NOL3: variants seen among roughly 807,000 people sequenced by gnomAD.
NOL3 encodes the protein nucleolar protein 3.
In NOL3, 18 loss-of-function variants were observed where a neutral mutation model predicts 19.2. The ratio of observed to expected loss-of-function variants is 0.94; its 90% CI spans 0.65 to 1.39. NOL3 has a LOEUF of 1.39. Among genes scored for constraint, NOL3 ranks in the 40% most tolerant of loss-of-function variants. The pLI, the probability that NOL3 is intolerant of heterozygous loss-of-function variation, is 0.00. For synonymous variants in NOL3, 127 were observed against 137.3 expected (o/e 0.93, Z 0.52); for missense variants, 290 against 289.5 (o/e 1.00, Z -0.01).
exon 3 of NOL3, chr16:67,174,740 C>T (rs1567676703): frequency 1.4e-5 from 23 of 1,610,318 alleles, no homozygotes; most frequent in Non-Finnish European, 1.8e-5. Context: ...GGCCGGGGGC[C>T]CTGAGGGCTC....
At chr16:67,175,241 G>A (rs867327238) in exon 4 of NOL3, 1 of 1,487,010 alleles carries the variant, frequency 6.7e-7, no homozygotes, top group Non-Finnish European at 8.9e-7. Context: ...AACTTAGGGT[G>A]GGTACCTCTG....
exon 2 of NOL3, chr16:67,174,405 G>A (rs2145954084): frequency 6.5e-7 from 1 of 1,542,254 alleles, no homozygotes; most frequent in East Asian, 2.4e-5. Context: ...CTGCTACGCT[G>A]TGCCCAGCGT....
At chr16:67,174,376 C>T (rs781539278) in exon 2 of NOL3, 18 of 1,566,940 alleles carry the variant, frequency 1.1e-5, no homozygotes, top group African/African-American at 2.7e-5. Flanking sequence ...AGGGCAAGGG[C>T]GAGGCCGCCT....
chr16:67,173,703 T>G, intron 1 of NOL3: 1 of 621,458 alleles, frequency 1.6e-6, no homozygotes, highest in Non-Finnish European at 2.8e-6. Context: ...GTCTGCAAGC[T>G]GGGTGTGGAG....
intron 1 of NOL3, chr16:67,173,858 T>A: frequency 6.5e-7 from 1 of 1,533,820 alleles, no homozygotes; most frequent in Non-Finnish European, 8.7e-7. Context: ...GGGAGGGCAT[T>A]CAGAGAGTAG....
At chr16:67,174,053 T>G in intron 1 of NOL3, 109 bp from the exon 2 acceptor site, 1 of 1,565,188 alleles carries the variant, frequency 6.4e-7, no homozygotes, top group Middle Eastern at 1.7e-4. Flanking sequence ...CGAGGTGAAC[T>G]TAAACCCCAG....
chr16:67,175,172 A>C (rs568296423), exon 4 of NOL3: 5 of 1,581,598 alleles, frequency 3.2e-6, no homozygotes, highest in Non-Finnish European at 4.3e-6. Flanking sequence ...GAAGTGAATA[A>C]ACTCCGGAGG....
chr16:67,174,323 C>A lies in NOL3; in HGVS notation c.154C>A (p.Pro52Thr), dbSNP rs1196390819. 1.8e-5 allele frequency: 29 copies of A among 1,604,702 alleles called. No individual in the cohort carries two copies. The highest frequency in any genetic ancestry group is 2.5e-5 in the Non-Finnish European group (29 of 1,176,166). ...AGAGTACGAGGCATTGGATGCACTG[C>A]CTGATGCCGAGCGCAGGGTGCGCCG... Residue 52 changes from proline to threonine, a missense_variant, in exon 2 of 4, where the codon CCT becomes ACT. Pro to Thr is a conservative substitution (Grantham distance 38). Coordinates refer to ENST00000268605, the Ensembl canonical transcript of NOL3.
chr16:67,174,669 C>T (rs774140405), exon 3 of NOL3: 4 of 1,584,280 alleles, frequency 2.5e-6, no homozygotes, highest in African/African-American at 1.4e-5. Flanking sequence ...CACTGGACGC[C>T]GGAGGCACCC....
chr16:67,174,538 G>C, intron 2 of NOL3, 74 bp downstream of exon 2: 2 of 1,480,370 alleles, frequency 1.4e-6, no homozygotes, highest in Non-Finnish European at 1.8e-6. Context: ...GGGAGGGCAG[G>C]GTTGTCGTCT....
At chr16:67,174,437 G>A (rs759648842) in exon 2 of NOL3, 8 of 1,514,514 alleles carry the variant, frequency 5.3e-6, no homozygotes, top group Non-Finnish European at 7.0e-6. Context: ...GCCGGACCCC[G>A]CTTGGGACTG....
rs1268853197 is a variant in NOL3 at position 67,174,914 on chromosome 16, C to A, written c.589C>A (p.Pro197Thr). Residue 197 changes from proline (P) to threonine (T), a missense_variant, in exon 3 of 4, where the codon CCC (proline) becomes ACC (threonine). Physicochemically the swap from Pro to Thr is conservative, Grantham distance 38 (BLOSUM62 -1). Around this residue, in one of 3 missense-constraint regions of NOL3, gnomAD observed 123 missense variants for 107.0 expected, o/e 1.15. Coordinates refer to ENST00000268605, the Ensembl canonical transcript of NOL3. ...GCCAGAACCGGACCCAGAGCCCGAG[C>A]CCGACTTCGAGGAAAGGGACGAGTC... 6.2e-7 allele frequency: 1 copy of A among 1,613,066 alleles called. No individual in the cohort carries two copies. Among genetic ancestry groups the A allele is most frequent in the South Asian group, 1.1e-5 (1 of 91,030 alleles).
chr16:67,174,811 T>TA lies in NOL3; in HGVS notation c.489dup (p.Glu164ArgfsTer3), dbSNP rs766843875. On this transcript the variant is annotated frameshift_variant, in exon 3 of 4. Coordinates refer to ENST00000268605, the Ensembl canonical transcript of NOL3. LOFTEE classifies it high-confidence loss of function. The stretch of plus-strand genomic sequence containing the variant: ...AGCCAGAGCTGGAAGCTGAGGCCTC[T>TA]AAAGAGGCTGAACCGGAGCCGGAGC... The TA allele has an allele frequency of 7.3e-4, 1,177 of 1,604,444 alleles. 1 individual carries two copies. Among genetic ancestry groups the TA allele is most frequent in the Non-Finnish European group, 9.2e-4 (1,083 of 1,175,210 alleles).
exon 2 of NOL3, chr16:67,174,432 A>C (rs980000944): frequency 6.6e-7 from 1 of 1,517,078 alleles, no homozygotes; most frequent in Non-Finnish European, 8.8e-7. Context: ...GGCGCGCCGG[A>C]CCCCGCTTGG....
chr16:67,174,212 G>C, exon 2 of NOL3: 1 of 1,612,750 alleles, frequency 6.2e-7, no homozygotes, highest in Non-Finnish European at 8.5e-7. Flanking sequence ...TATCGACCGC[G>C]AGCGGAAACG....
chr16:67,175,293 C>T (rs1258040846), exon 4 of NOL3: 1 of 1,422,644 alleles, frequency 7.0e-7, no homozygotes, highest in Non-Finnish European at 9.2e-7. Flanking sequence ...CCACGAGCAT[C>T]ATCCAGTCCT....
exon 2 of NOL3, chr16:67,174,375 G>T: frequency 6.4e-7 from 1 of 1,568,016 alleles, no homozygotes. Context: ...CAGGGCAAGG[G>T]CGAGGCCGCC....
At chr16:67,175,272 G>A in exon 4 of NOL3, 1 of 1,439,842 alleles carries the variant, frequency 6.9e-7, no homozygotes, top group Non-Finnish European at 9.1e-7. Flanking sequence ...ACCTGGGCAG[G>A]CCCAAGCCCA....
rs1355406849 is a variant in NOL3, at chr16:67,174,880, G to A, written c.555G>A (p.Pro185=). ...CCGAGGCTGAAGCAGAACCAGAGCC[G>A]GAACTGGAGCCAGAACCGGACCCAG... Residue 185 remains proline (P), a synonymous_variant, in exon 3 of 4, where the codon CCG becomes CCA. Transcript: ENST00000268605. 6.2e-7 allele frequency: 1 copy of A among 1,612,532 alleles called. No homozygotes were observed. Among genetic ancestry groups the A allele is most frequent in the Middle Eastern group, 1.6e-4 (1 of 6,062 alleles).
Sources: allele counts gnomAD v4.1 joint callset, GRCh38; gene constraint gnomAD v4.1.1; regional missense constraint gnomAD v4.1.1; transcripts MANE v1.5; gene names NCBI Gene and HGNC (gene_info 2026-07-23, HGNC 2026-07-21).